The following PSMB10 variants were observed in gnomAD, a reference collection of about 807,000 sequenced individuals.
PSMB10 encodes proteasome subunit beta type-10.
A neutral mutation model predicts 29.8 loss-of-function variants in PSMB10; 29 were observed. The observed-to-expected ratio is 0.97, with a 90% CI of 0.73 to 1.33. PSMB10 has a LOEUF of 1.33. PSMB10 is among the 40% of genes most tolerant of loss of function. The probability of loss-of-function intolerance (pLI) is 0.00; values close to 1 mark genes in which losing one functional copy is unlikely to be tolerated. For missense variants in PSMB10, 327 were observed against 369.2 expected (o/e 0.89, Z 0.94); for synonymous variants, 157 against 164.7 (o/e 0.95, Z 0.36).
intron 3 of PSMB10, 35 bp downstream of exon 3, chr16:67,936,180 T>C (rs756155044): frequency 6.2e-7 from 1 of 1,612,020 alleles, no homozygotes; most frequent in South Asian, 1.1e-5. Context: ...GGGCCGTTCT[T>C]TTTTGCGTAC....
At chr16:67,935,057 C>G in intron 6 of PSMB10, 109 bp from the exon 7 acceptor site, 7 of 1,411,544 alleles carry the variant, frequency 5.0e-6, no homozygotes, top group Non-Finnish European at 6.7e-6. Flanking sequence ...CCCTCCAAAC[C>G]CCCACTGTGT....
Position 67,934,804 on chromosome 16 carries a change from C to T in PSMB10, c.703G>A (p.Val235Met), listed in dbSNP as rs151231421. ...LRTLSSPTEP[V>M]KRSGRYHFVP... is the part of the protein sequence containing the mutation. ...CCGATCTCCAGCTCTCACCTCTTCA[C>T]GGGCTCTGTGGGTGAGCTCAGTGTC... The change falls in exon 7 of 8, where the codon GTG becomes ATG. Residue 235 changes from valine to methionine, a missense_variant. Val to Met is a conservative substitution (Grantham distance 21). Transcript: ENST00000358514. This position sits in a 1 kb window ranked among gnomAD's most constrained non-coding sequence, Gnocchi z 4.3. 1.8e-4 allele frequency: 285 copies of T among 1,613,584 alleles called. No individual in the cohort carries two copies. Among genetic ancestry groups the T allele is most frequent in the Non-Finnish European group, 2.3e-4 (272 of 1,179,702 alleles).
At position 67,936,285 on chromosome 16, in the gene PSMB10, G is replaced by A; in HGVS notation, c.172C>T (p.Arg58Ter). The A allele has an allele frequency of 6.3e-7, 1 of 1,582,132 alleles. No homozygotes were observed. Among genetic ancestry groups the A allele is most frequent in the Non-Finnish European group, 8.6e-7 (1 of 1,168,930 alleles). The change falls in exon 3 of 8, where the codon CGA (arginine) becomes TGA (stop). Residue 58 changes from arginine to a stop codon, truncating the protein, a stop_gained. Coordinates refer to ENST00000358514, the MANE Select transcript of PSMB10 (RefSeq NM_002801.4). LOFTEE classifies it high-confidence loss of function. ...GCCACGACCGAATCGTTAGTGGCTC[G>A]CGTATCGGCGCCCAGAATGACCCCG... ...QDGVILGADT[R>*]ATNDSVVADK...
Position 67,934,845 on chromosome 16 carries a change from CCA to C in PSMB10, c.660_661del (p.Gly221ArgfsTer55). ...GCTCAGTGTCCGCAGCAGCTTGGCG[CCA>C]GTCTTTGTGATCACACATGCGTCCA... On this transcript the variant is annotated frameshift_variant, in exon 7 of 8. Transcript: ENST00000358514. LOFTEE classifies it high-confidence loss of function. This position sits in a 1 kb window ranked among gnomAD's most constrained non-coding sequence, Gnocchi z 4.3. 1 of 1,614,088 alleles carries C rather than the reference CCA, an allele frequency of 6.2e-7. No individual in the cohort carries two copies. The highest frequency in any genetic ancestry group is 8.5e-7 in the Non-Finnish European group (1 of 1,180,014).
In PSMB10 at chr16:67,934,569, C is replaced by T. The variant is rs763364003; in HGVS notation, c.813G>A (p.Glu271=). ...AGCTCTAAGCCTCAGCTTACTCCAC[C>T]TCCATAGCCTGCACAGTTTCCTCCA... ...ELVEETVQAM[E]VE The change falls in exon 8 of 8, where the codon GAG becomes GAA. Residue 271 remains glutamate, a synonymous_variant. Coordinates refer to ENST00000358514, the MANE Select transcript of PSMB10 (RefSeq NM_002801.4). This position sits in a 1 kb window ranked among gnomAD's most constrained non-coding sequence, Gnocchi z 4.3. The T allele has an allele frequency of 6.2e-6, 10 of 1,613,956 alleles. No homozygotes were observed. In the South Asian group the frequency reaches 8.8e-5, roughly 14 times the overall value.
intron 1 of PSMB10, 81 bp from the exon 2 acceptor site, chr16:67,936,566 C>T: frequency 1.4e-6 from 2 of 1,464,148 alleles, no homozygotes; most frequent in Non-Finnish European, 1.9e-6. Flanking sequence ...CCCCGTCTCC[C>T]TCATCTTCCG....
Position 67,935,793 on chromosome 16 carries a change from G to C in PSMB10, c.384-96C>G. The C allele has an allele frequency of 2.7e-6, 4 of 1,497,174 alleles. No homozygotes were observed. In the South Asian group the frequency reaches 3.5e-5, roughly 13 times the overall value. 92.7% of individuals were successfully genotyped at this position (1,497,174 alleles called of 1,614,324 possible). On this transcript the variant is annotated intron_variant, in intron 4 of 7. Coordinates refer to ENST00000358514, the MANE Select transcript of PSMB10 (RefSeq NM_002801.4). Reference sequence around the variant, plus strand: ...GTGCTATCCCCGCCCCTTCCTGTGGGCTGGCGCCCGATGACTGACATCGCC... The same window carrying C: ...GTGCTATCCCCGCCCCTTCCTGTGGCCTGGCGCCCGATGACTGACATCGCC...
intron 6 of PSMB10, 69 bp from the exon 7 acceptor site, chr16:67,935,017 T>G (rs966325170): frequency 1.1e-4 from 167 of 1,558,380 alleles, no homozygotes; most frequent in Non-Finnish European, 1.4e-4. Context: ...GCCTGGGGAC[T>G]TGCCTGTCCA....
At position 67,934,520 on chromosome 16, in the gene PSMB10, C is replaced by T; in HGVS notation, c.*40G>A. On this transcript the variant is annotated 3_prime_UTR_variant, in exon 8 of 8. Transcript: ENST00000358514. This position sits in a 1 kb window ranked among gnomAD's most constrained non-coding sequence, Gnocchi z 4.3. ...ACAGCCATCTGTTTAACTGTATTTT[C>T]TGGGTTTATTCCCCCTTGTTCCAAG... 1 of 1,562,034 alleles carries T rather than the reference C, an allele frequency of 6.4e-7. No individual in the cohort carries two copies. Among genetic ancestry groups the T allele is most frequent in the Admixed American group, 1.7e-5 (1 of 59,848 alleles).
intron 3 of PSMB10, 45 bp from the exon 4 acceptor site, chr16:67,936,148 G>A: frequency 6.2e-7 from 1 of 1,608,462 alleles, no homozygotes; most frequent in Non-Finnish European, 8.5e-7. Flanking sequence ...TGGGACGTGC[G>A]GGGACCGGAG....
At chr16:67,936,616 C>T in intron 1 of PSMB10, 78 bp downstream of exon 1, 2 of 1,464,942 alleles carry the variant, frequency 1.4e-6, no homozygotes, top group Non-Finnish European at 1.8e-6. Flanking sequence ...ACACCCTCCC[C>T]CACCCCCAGC....
Position 67,935,667 on chromosome 16 carries a change from G to T in PSMB10, c.414C>A (p.Ile138=), listed in dbSNP as rs907619781. The T allele has an allele frequency of 1.2e-6, 2 of 1,614,098 alleles. No homozygotes were observed. Residue 138 remains isoleucine (I), a synonymous_variant, in exon 5 of 8, where the codon ATC becomes ATA. Coordinates refer to ENST00000358514, the MANE Select transcript of PSMB10 (RefSeq NM_002801.4). ...RYQGHVGASL[I]VGGVDLTGPQ... is the part of the protein sequence containing the mutation. ...GTCCAGTCAGGTCTACGCCGCCCACGATCAGCGATGCACCCACGTGGCCCT... is the reference window on the plus strand; with the variant it reads ...GTCCAGTCAGGTCTACGCCGCCCACTATCAGCGATGCACCCACGTGGCCCT...
chr16:67,936,246 C>A lies in PSMB10; in HGVS notation c.211G>T (p.Glu71Ter), dbSNP rs564869656. ...NDSVVADKSC[E>*]KIHFIAPKIY... ...TTGGGGGCGATGAAGTGGATCTTCT[C>A]GCAGCTCTTGTCCGCCACGACCGAA... The change falls in exon 3 of 8, where the codon GAG (glutamate) becomes TAG (stop). Residue 71 changes from glutamate (E) to a stop codon, truncating the protein, a stop_gained. Coordinates refer to ENST00000358514, the MANE Select transcript of PSMB10 (RefSeq NM_002801.4). LOFTEE classifies it high-confidence loss of function. The A allele has an allele frequency of 6.2e-7, 1 of 1,613,890 alleles. No individual in the cohort carries two copies. Among genetic ancestry groups the A allele is most frequent in the East Asian group, 2.2e-5 (1 of 44,878 alleles).
In PSMB10 at chr16:67,936,413, C is replaced by G; in HGVS notation, c.129G>C (p.Ala43=). The stretch of plus-strand genomic sequence containing the variant: ...CGCTGCTCACTTGGAACACCAGGCC[C>G]GCGATGGTGGTCCCGGTCTTGCGTG... ...PHARKTGTTI[A]GLVFQDGVIL... Residue 43 remains alanine (A), a synonymous_variant, in exon 2 of 8, where the codon GCG becomes GCC. Transcript: ENST00000358514. The G allele has an allele frequency of 6.2e-7, 1 of 1,613,372 alleles. No individual in the cohort carries two copies. Among genetic ancestry groups the G allele is most frequent in the South Asian group, 1.1e-5 (1 of 91,006 alleles).
chr16:67,936,490 A>C lies in PSMB10; in HGVS notation c.57-5T>G. The C allele has an allele frequency of 6.2e-7, 1 of 1,611,818 alleles. No homozygotes were observed. The highest frequency in any genetic ancestry group is 8.5e-7 in the Non-Finnish European group (1 of 1,179,086). On this transcript the variant is annotated splice_region_variant and splice_polypyrimidine_tract_variant and intron_variant, in intron 1 of 7. Transcript: ENST00000358514. ...ACGCGTTCCAATGATGCATTTCTGG[A>C]AACGGAGGAGGGCGCCCATGTTTCG...
chr16:67,936,541 T>C lies in PSMB10; in HGVS notation c.57-56A>G, dbSNP rs552530324. On this transcript the variant is annotated intron_variant, in intron 1 of 7. Coordinates refer to ENST00000358514, the MANE Select transcript of PSMB10 (RefSeq NM_002801.4). ...GCTCTGCTTTCAAGACCCCTGTTGC[T>C]TCCCCTAACCTGGTCCCCGTCTCCC... is the stretch of plus-strand genomic sequence containing the variant. The C allele has an allele frequency of 1.6e-5, 25 of 1,529,874 alleles. No homozygotes were observed. The East Asian group carries it at 5.8e-4, about 36-fold the overall frequency. 94.8% of individuals were successfully genotyped at this position (1,529,874 alleles called of 1,614,324 possible).
At chr16:67,935,861 C>A in intron 4 of PSMB10, 102 bp downstream of exon 4, 1 of 1,521,208 alleles carries the variant, frequency 6.6e-7, no homozygotes, top group South Asian at 1.2e-5. Context: ...CTCTTCCGGT[C>A]ACCTGGCCCG....
Position 67,936,438 on chromosome 16 carries a change from G to A in PSMB10, c.104C>T (p.Ala35Val). The A allele has an allele frequency of 1.9e-6, 3 of 1,613,652 alleles. No individual in the cohort carries two copies. Among genetic ancestry groups the A allele is most frequent in the Admixed American group, 1.7e-5 (1 of 59,992 alleles). ...CGCGATGGTGGTCCCGGTCTTGCGT[G>A]CGTGAGGGACCTTGAGCCCCGGGAG... Reference protein sequence around the residue: ...RVLPGLKVPHARKTGTTIAGL... With the variant: ...RVLPGLKVPHVRKTGTTIAGL... Residue 35 changes from alanine to valine, a missense_variant, in exon 2 of 8, where the codon GCA becomes GTA. By Grantham distance (64) the Ala-to-Val change is moderately conservative (BLOSUM62 0). Coordinates refer to ENST00000358514, the MANE Select transcript of PSMB10 (RefSeq NM_002801.4).
chr16:67,935,641 G>C lies in PSMB10; in HGVS notation c.440C>G (p.Pro147Arg). 1.2e-6 allele frequency: 2 copies of C among 1,614,166 alleles called. No individual in the cohort carries two copies. The highest frequency in any genetic ancestry group is 2.2e-5 in the South Asian group (2 of 91,078). Residue 147 changes from proline to arginine, a missense_variant, in exon 5 of 8, where the codon CCG becomes CGG. Physicochemically the swap from Pro to Arg is moderately radical, Grantham distance 103 (BLOSUM62 -2). Coordinates refer to ENST00000358514, the MANE Select transcript of PSMB10 (RefSeq NM_002801.4). ...LIVGGVDLTG[P>R]QLYGVHPHGS... ...ATGGGGATGCACACCGTAGAGCTGCGGTCCAGTCAGGTCTACGCCGCCCAC... is the reference window on the plus strand; with the variant it reads ...ATGGGGATGCACACCGTAGAGCTGCCGTCCAGTCAGGTCTACGCCGCCCAC...
Sources: allele counts gnomAD v4.1 joint callset, GRCh38; gene constraint gnomAD v4.1.1; non-coding constraint Gnocchi (gnomAD v3.1); transcripts MANE v1.5; gene names NCBI Gene and HGNC (gene_info 2026-07-23, HGNC 2026-07-21).